LRCH3: variants seen among roughly 807,000 people sequenced by gnomAD.
LRCH3 encodes the protein leucine rich repeats and calponin homology domain containing 3.
In LRCH3, 68 loss-of-function variants were observed where a neutral mutation model predicts 104.5. The observed-to-expected ratio is 0.65, with a 90% confidence interval of 0.54 to 0.80. The LOEUF (loss-of-function observed/expected upper bound fraction) is 0.80, where lower values mean the gene tolerates loss of function less well. Ranked by LOEUF, LRCH3 falls within the 30% of genes least tolerant of loss-of-function variation. The probability of loss-of-function intolerance (pLI) is 0.00; values close to 1 mark genes in which losing one functional copy is unlikely to be tolerated. For synonymous variants in LRCH3, 344 were observed against 361.3 expected, an observed-to-expected ratio of 0.95 and a Z score of 0.54; for missense variants, 951 against 953.9, an observed-to-expected ratio of 1.00 and a Z score of 0.04.
intron 17 of LRCH3, among the ~76,000 whole-genome samples, chr3:197,869,199 G>A (rs1711741827): frequency 6.6e-6 from 1 of 151,434 alleles, no homozygotes; most frequent in Non-Finnish European, 1.5e-5. Context: ...GCGATGCACT[G>A]TACCTGCAGG....
chr3:197,882,204 G>C (rs754771049), intron 20 of LRCH3: 8 of 985,418 alleles, frequency 8.1e-6, no homozygotes, highest in Non-Finnish European at 9.6e-6. Flanking sequence ...CACCGGCCGC[G>C]CAGGTCCTAG....
intron 10 of LRCH3, among the ~76,000 whole-genome samples, chr3:197,841,809 A>ATGTTTTGTTTTGTTT (rs370265011): frequency 0.01 from 1,499 of 148,370 alleles, 10 homozygotes; most frequent in East Asian, 0.025. Context: ...CTAGGATTAC[A>ATGTTTTGTTTTGTTT]TGTTTTGTTT....
intron 10 of LRCH3, among the ~76,000 whole-genome samples, chr3:197,841,818 T>A (rs1242969638): frequency 8.5e-6 from 1 of 117,886 alleles, no homozygotes; most frequent in Non-Finnish European, 1.8e-5. Context: ...CATGTTTTGT[T>A]TTGTTTTGTT....
At chr3:197,797,734 C>T (rs916121916) in intron 1 of LRCH3, among the ~76,000 whole-genome samples, 59 of 151,840 alleles carry the variant, frequency 3.9e-4, no homozygotes, top group African/African-American at 1.2e-3. Flanking sequence ...CATTGGCAGG[C>T]GCCTATAATC....
Position 197,866,123 on chromosome 3 carries a change from C to T in LRCH3, c.1777C>T (p.Pro593Ser). The change falls in exon 17 of 21, where the codon CCT (proline) becomes TCT (serine). Residue 593 changes from proline (P) to serine (S), a missense_variant. Transcript: ENST00000425562. ...TCATGCTAATTTAGTTCATCATTCC[C>T]CTGCATATTCTTTTCCTGCTGCTAT... ...SPATETVHHS[P>S]AYSFPAAIQR... 3 of 1,612,296 alleles carry T rather than the reference C, an allele frequency of 1.9e-6. No individual in the cohort carries two copies. Among genetic ancestry groups the T allele is most frequent in the African/African-American group, 1.3e-5 (1 of 74,988 alleles).
rs1316518805 is a variant in LRCH3 at position 197,810,198 on chromosome 3, C to G, written c.263-4710C>G. ...TATTTTTTGAGATGGAGTTTCACTC[C>G]CAGGTTGGAGTTCAGTGGCACGATC... On this transcript the variant is annotated intron_variant, in intron 1 of 20. Transcript: ENST00000425562. This position sits in a 1 kb window ranked among gnomAD's most constrained non-coding sequence, Gnocchi z 4.0. Among the ~76,000 whole-genome samples, 1 of 151,962 alleles carries G rather than the reference C, an allele frequency of 6.6e-6. No homozygotes were observed. The highest frequency in any genetic ancestry group is 2.4e-5 in the African/African-American group (1 of 41,336).
chr3:197,821,378 A>G (rs1734471610), intron 4 of LRCH3, among the ~76,000 whole-genome samples: 1 of 151,820 alleles, frequency 6.6e-6, no homozygotes, highest in Non-Finnish European at 1.5e-5. Flanking sequence ...AATTAATGAA[A>G]CAGAATGCTA....
intron 20 of LRCH3, among the ~76,000 whole-genome samples, chr3:197,878,997 A>C (rs1028845447): frequency 6.6e-6 from 1 of 152,262 alleles, no homozygotes; most frequent in Non-Finnish European, 1.5e-5. Context: ...TGTAACTTTT[A>C]AAGTGTTGTA....
chr3:197,796,565 G>A (rs1347822631), intron 1 of LRCH3, among the ~76,000 whole-genome samples: 1 of 152,200 alleles, frequency 6.6e-6, no homozygotes, highest in Non-Finnish European at 1.5e-5. Context: ...GCTTATAATA[G>A]TAGCTAACAT....
chr3:197,840,956 A>G (rs977490339), intron 10 of LRCH3, among the ~76,000 whole-genome samples: 1 of 152,156 alleles, frequency 6.6e-6, no homozygotes, highest in Non-Finnish European at 1.5e-5. Flanking sequence ...TCCTGCATCC[A>G]TCATAGGTGA....
chr3:197,849,624 A>G (rs1381932365), intron 12 of LRCH3, among the ~76,000 whole-genome samples: 2 of 152,092 alleles, frequency 1.3e-5, no homozygotes, highest in African/African-American at 4.8e-5. Flanking sequence ...AAACTAACGG[A>G]AATACTTTAT....
At chr3:197,835,925 A>G in intron 9 of LRCH3, 103 bp downstream of exon 9, 1 of 1,256,182 alleles carries the variant, frequency 8.0e-7, no homozygotes, top group Non-Finnish European at 1.1e-6. Flanking sequence ...ACTGAAGCCT[A>G]ATTGTTTTCA....
chr3:197,811,830 G>A (rs1375974391), intron 1 of LRCH3, among the ~76,000 whole-genome samples: 1 of 152,128 alleles, frequency 6.6e-6, no homozygotes. Flanking sequence ...ACTAATTTTT[G>A]AGATTTGAAG....
chr3:197,881,021 G>C, intron 20 of LRCH3: 1 of 1,212,332 alleles, frequency 8.2e-7, no homozygotes, highest in South Asian at 2.1e-5. Context: ...ATACAATTCT[G>C]AACTTGTACT....
chr3:197,853,970 C>G (rs1739949978), intron 13 of LRCH3, among the ~76,000 whole-genome samples: 1 of 152,116 alleles, frequency 6.6e-6, no homozygotes. Flanking sequence ...ATAACATAAA[C>G]AGTTCTAAAA....
chr3:197,875,777 TAATA>T lies in LRCH3; in HGVS notation c.2208+6_2208+9del, dbSNP rs548874919. On this transcript the variant is annotated splice_donor_5th_base_variant and intron_variant, in intron 20 of 20. Transcript: ENST00000425562. ...TGCAGAAAAATTGGTGTACCTCAGG[TAATA>T]AATTTATCATTTTTTATGTTGCCTA... The T allele has an allele frequency of 6.1e-4, 932 of 1,520,760 alleles. 16 individuals carry two copies. In the East Asian group the frequency reaches 0.02, roughly 33 times the overall value. 94.2% of individuals were successfully genotyped at this position (1,520,760 alleles called of 1,614,324 possible).
chr3:197,796,209 A>C (rs1409893410), intron 1 of LRCH3, among the ~76,000 whole-genome samples: 1 of 152,182 alleles, frequency 6.6e-6, no homozygotes, highest in Non-Finnish European at 1.5e-5. Context: ...TGGTGTATGA[A>C]GAGGACCAAG....
chr3:197,802,066 C>T (rs1407925960), intron 1 of LRCH3, among the ~76,000 whole-genome samples: 1 of 152,208 alleles, frequency 6.6e-6, no homozygotes, highest in Non-Finnish European at 1.5e-5. Context: ...TCAAACACTT[C>T]TCGTGCTTCC....
At position 197,883,340 on chromosome 3, in the gene LRCH3, G is replaced by C; in HGVS notation, c.2209-201G>C. The C allele has an allele frequency of 1.5e-6, 2 of 1,371,268 alleles. No individual in the cohort carries two copies. The highest frequency in any genetic ancestry group is 1.9e-6 in the Non-Finnish European group (2 of 1,063,032). 84.9% of individuals were successfully genotyped at this position (1,371,268 alleles called of 1,614,324 possible). A position where few individuals can be genotyped will look rare whatever the true frequency, so the allele number is the denominator to read the frequency against. ...TGAAAATGATCTGTATGTACTTTTA[G>C]TTGTATTAATAAAGTGACAGTGAGT... On this transcript the variant is annotated intron_variant, in intron 20 of 20. Coordinates refer to ENST00000425562, the MANE Select transcript of LRCH3 (RefSeq NM_001365715.1). The surrounding 1 kb of genome is among the most constrained non-coding windows in gnomAD (Gnocchi z 4.2).
Sources: allele counts gnomAD v4.1 joint callset (sites outside exome capture counted in the v4.1 genomes callset), GRCh38; gene constraint gnomAD v4.1.1; non-coding constraint Gnocchi (gnomAD v3.1); transcripts MANE v1.5; gene names NCBI Gene and HGNC (gene_info 2026-07-23, HGNC 2026-07-21).